Variants in GNG7 observed in about 807,000 individuals in gnomAD.
GNG7 encodes guanine nucleotide-binding protein G(I)/G(S)/G(O) subunit gamma-7.
GNG7 carries 1 observed loss-of-function variant against 4.0 expected under a neutral mutation model. That is an observed-to-expected ratio of 0.25 (90% confidence interval 0.09 to 1.18). The LOEUF is 1.18. Ranked by LOEUF, GNG7 falls within the 50% of genes most tolerant of loss-of-function variation. The pLI is 0.50. For missense variants in GNG7, 86 were observed against 91.9 expected, an observed-to-expected ratio of 0.94 and a Z score of 0.26; for synonymous variants, 34 against 36.9, an observed-to-expected ratio of 0.92 and a Z score of 0.29.
At chr19:2,521,504 C>T (rs933304561) in intron 3 of GNG7, among the ~76,000 whole-genome samples, 3 of 152,036 alleles carry the variant, frequency 2.0e-5, no homozygotes, top group Non-Finnish European at 2.9e-5. Flanking sequence ...GTGCCCCGGA[C>T]GGCCCCACGC....
intron 2 of GNG7, among the ~76,000 whole-genome samples, chr19:2,621,444 T>C (rs991785759): frequency 2.0e-5 from 3 of 151,776 alleles, no homozygotes; most frequent in South Asian, 2.1e-4. Flanking sequence ...ACTCCTGTAA[T>C]CCCAGCACTT....
chr19:2,567,065 A>G (rs1419015989), intron 2 of GNG7, among the ~76,000 whole-genome samples: 3 of 149,986 alleles, frequency 2.0e-5, no homozygotes, highest in African/African-American at 7.4e-5. Flanking sequence ...AGATCGCGCC[A>G]CTGCAGTCCA....
chr19:2,559,586 C>T lies in GNG7; in HGVS notation c.-77-4398G>A, dbSNP rs540564965. On this transcript the variant is annotated intron_variant, in intron 2 of 4. Coordinates refer to ENST00000382159, the MANE Select transcript of GNG7 (RefSeq NM_052847.3). ...GCTGGAGTACAATGGTGGATGTCGG[C>T]TCACTGCAACCTCCGCCTCCTGGGT... is the stretch of plus-strand genomic sequence containing the variant. 2.0e-5 allele frequency among the ~76,000 whole-genome samples: 3 copies of T among 152,128 alleles called. No homozygotes were observed. The South Asian group carries it at 6.2e-4, about 32-fold the overall frequency.
intron 2 of GNG7, among the ~76,000 whole-genome samples, chr19:2,589,688 G>A (rs1007251214): frequency 6.6e-6 from 1 of 151,978 alleles, no homozygotes; most frequent in Non-Finnish European, 1.5e-5. Context: ...TGCGCGTAGG[G>A]GGTTGTACTA....
chr19:2,605,794 G>A (rs1203704683), intron 2 of GNG7, among the ~76,000 whole-genome samples: 3 of 152,006 alleles, frequency 2.0e-5, no homozygotes, highest in Non-Finnish European at 4.4e-5. Flanking sequence ...TGACAGGTGT[G>A]AGCCACCGCA....
rs150378131 is a variant in GNG7 at position 2,680,661 on chromosome 19, C to T, written c.-135+21985G>A. Among the ~76,000 whole-genome samples, 558 of 150,934 alleles carry T rather than the reference C, an allele frequency of 3.7e-3. 5 individuals are homozygous for T. Among genetic ancestry groups the T allele is most frequent in the African/African-American group, 0.012 (498 of 41,086 alleles). On this transcript the variant is annotated intron_variant, in intron 1 of 4. Coordinates refer to ENST00000382159, the MANE Select transcript of GNG7 (RefSeq NM_052847.3). Reference sequence around the variant, plus strand: ...TGAGATCTCAGCCCACTGCAACCTCCGCCTCCTGGGTTCAAGAGATTCTCC... The same window carrying T: ...TGAGATCTCAGCCCACTGCAACCTCTGCCTCCTGGGTTCAAGAGATTCTCC...
At chr19:2,547,060 C>G (rs1979151893) in intron 3 of GNG7, among the ~76,000 whole-genome samples, 1 of 150,526 alleles carries the variant, frequency 6.6e-6, no homozygotes, top group Non-Finnish European at 1.5e-5. Context: ...ACAGGTGGGT[C>G]TTTCTCCACG....
chr19:2,647,003 C>T (rs1982683565), intron 1 of GNG7, among the ~76,000 whole-genome samples: 1 of 152,230 alleles, frequency 6.6e-6, no homozygotes, highest in Non-Finnish European at 1.5e-5. Flanking sequence ...GGAAGTCCCT[C>T]AGCCCCAGCT....
At chr19:2,673,287 AC>A (rs1416712623) in intron 1 of GNG7, among the ~76,000 whole-genome samples, 36 of 149,648 alleles carry the variant, frequency 2.4e-4, no homozygotes, top group South Asian at 6.4e-4. Context: ...ACAAAACAAA[AC>A]AAAAAAAAAC....
intron 2 of GNG7, among the ~76,000 whole-genome samples, chr19:2,635,787 T>G (rs935540016): frequency 6.6e-6 from 1 of 152,146 alleles, no homozygotes; most frequent in Non-Finnish European, 1.5e-5. Flanking sequence ...TTCACCATGT[T>G]GGCCAGGATG....
At chr19:2,697,360 A>G (rs1356615371) in intron 1 of GNG7, among the ~76,000 whole-genome samples, 2 of 152,084 alleles carry the variant, frequency 1.3e-5, no homozygotes, top group Admixed American at 6.6e-5. Context: ...GGGAGCAACC[A>G]CACAGAGAGA....
chr19:2,569,860 T>C (rs1254011844), intron 2 of GNG7, among the ~76,000 whole-genome samples: 1 of 152,050 alleles, frequency 6.6e-6, no homozygotes, highest in African/African-American at 2.4e-5. Context: ...GGGAGCAGGA[T>C]CAGCCCCAGC....
chr19:2,644,564 A>G (rs1291894294), intron 2 of GNG7, among the ~76,000 whole-genome samples: 2 of 151,966 alleles, frequency 1.3e-5, no homozygotes, highest in African/African-American at 4.8e-5. Flanking sequence ...TCCTGCAACC[A>G]TCACCACTAA....
chr19:2,635,204 TGCAGGTGGGTGCAGGTGGGC>T (rs1425189821), intron 2 of GNG7, among the ~76,000 whole-genome samples: 2 of 147,838 alleles, frequency 1.4e-5, no homozygotes, highest in Non-Finnish European at 2.9e-5. Flanking sequence ...AGGACAGAGG[TGCAGGTGGGTGCAGGTGGGC>T]ACAGGTGGGT....
At chr19:2,652,090 G>A (rs1028397585) in intron 1 of GNG7, among the ~76,000 whole-genome samples, 7 of 151,862 alleles carry the variant, frequency 4.6e-5, no homozygotes, top group African/African-American at 9.7e-5. Context: ...TGGGAGAATC[G>A]CTTGAACCCG....
At chr19:2,638,730 C>T (rs1982401555) in intron 2 of GNG7, among the ~76,000 whole-genome samples, 1 of 134,462 alleles carries the variant, frequency 7.4e-6, no homozygotes, top group Non-Finnish European at 1.6e-5. Context: ...TAGACATCTC[C>T]CAGCATCCCC....
At position 2,514,240 on chromosome 19, in the gene GNG7, G is replaced by C. The variant is rs1186587198; in HGVS notation, c.*782C>G. On this transcript the variant is annotated 3_prime_UTR_variant, in exon 5 of 5. Transcript: ENST00000382159. ...AAAAATCCAAAAACATGATGGGCCG[G>C]GCCGGTGACGGCTTCCCTGGGGCAA... The C allele has an allele frequency of 6.6e-6, 1 of 152,288 alleles. No homozygotes were observed. Among genetic ancestry groups the C allele is most frequent in the Admixed American group, 6.6e-5 (1 of 15,242 alleles). The allele number at this position is 152,288 out of a possible 1,614,324, so 9.4% of individuals were successfully genotyped here. A position where few individuals can be genotyped will look rare whatever the true frequency, so the allele number is the denominator to read the frequency against.
chr19:2,681,468 C>T (rs1983734594), intron 1 of GNG7, among the ~76,000 whole-genome samples: 1 of 152,168 alleles, frequency 6.6e-6, no homozygotes, highest in Non-Finnish European at 1.5e-5. Flanking sequence ...CAGGCGTGAG[C>T]AACCTCACCC....
In GNG7 at chr19:2,513,427, G is replaced by T; in HGVS notation, c.*1595C>A. On this transcript the variant is annotated 3_prime_UTR_variant, in exon 5 of 5. Coordinates refer to ENST00000382159, the MANE Select transcript of GNG7 (RefSeq NM_052847.3). ...CGTGGGGTCCATCTCAGGTGTGGCC[G>T]CAGGTGATGCCGGCAGGCCCTGGAA... The T allele has an allele frequency of 1.2e-6, 1 of 851,868 alleles. No individual in the cohort carries two copies. Among genetic ancestry groups the T allele is most frequent in the Non-Finnish European group, 1.4e-6 (1 of 708,110 alleles). The allele number at this position is 851,868 out of a possible 1,614,324, so 52.8% of individuals were successfully genotyped here.
Sources: gnomAD v4.1 joint callset for allele counts (sites outside exome capture counted in the v4.1 genomes callset) on GRCh38, gnomAD v4.1.1 for gene constraint, MANE v1.5 for transcripts, NCBI Gene and HGNC (gene_info 2026-07-23, HGNC 2026-07-21) for gene names.